Variants in PTPRD observed in about 807,000 individuals in gnomAD.
PTPRD encodes receptor-type tyrosine-protein phosphatase delta.
Under a neutral mutation model 214.5 loss-of-function variants are expected in PTPRD, and 34 were observed. The ratio of observed to expected loss-of-function variants is 0.16; its 90% confidence interval spans 0.12 to 0.21. The LOEUF (loss-of-function observed/expected upper bound fraction) is 0.21, where lower values mean the gene tolerates loss of function less well. Among genes scored for constraint, PTPRD ranks in the 10% least tolerant of loss-of-function variants. The probability of loss-of-function intolerance (pLI) is 1.00; values close to 1 mark genes in which losing one functional copy is unlikely to be tolerated. For missense variants in PTPRD, 2,545 were observed against 2,398.7 expected (o/e 1.06, Z -1.27); for synonymous variants, 1,128 against 845.7 (o/e 1.33, Z -5.79).
chr9:9,551,583 GAAGATATTACATT>G, intron 8 of PTPRD, among the ~76,000 whole-genome samples: 1 of 152,106 alleles, frequency 6.6e-6, no homozygotes, highest in South Asian at 2.1e-4. Context: ...AGTACAGGCT[GAAGATATTACATT>G]AATGTTTGGC....
At chr9:8,860,726 G>C (rs1213231148) in intron 11 of PTPRD, 1 of 152,192 alleles carries the variant, frequency 6.6e-6, no homozygotes, top group African/African-American at 2.4e-5. Flanking sequence ...GAAATTTTAA[G>C]TCAAAGAACA....
chr9:9,860,246 A>C (rs763636846), intron 5 of PTPRD, among the ~76,000 whole-genome samples: 42 of 152,354 alleles, frequency 2.8e-4, no homozygotes, highest in Non-Finnish European at 3.8e-4. Context: ...ACTAAAGACA[A>C]CACAAATGAT....
chr9:8,567,553 T>C (rs2154220357), intron 14 of PTPRD, among the ~76,000 whole-genome samples: 1 of 152,310 alleles, frequency 6.6e-6, no homozygotes, highest in Non-Finnish European at 1.5e-5. Flanking sequence ...ATCATGGTAT[T>C]TCCAGCATTT....
intron 7 of PTPRD, among the ~76,000 whole-genome samples, chr9:9,675,186 A>G (rs961735656): frequency 3.9e-5 from 6 of 151,980 alleles, no homozygotes; most frequent in Admixed American, 3.3e-4. Context: ...AAATACTCCA[A>G]AGTATCTCAT....
At chr9:9,160,573 T>C (rs561109563) in intron 10 of PTPRD, among the ~76,000 whole-genome samples, 1 of 152,314 alleles carries the variant, frequency 6.6e-6, no homozygotes, top group African/African-American at 2.4e-5. Context: ...ACTTGTCTTT[T>C]GCTGGTGGAA....
chr9:9,174,547 A>T (rs1367030172), intron 10 of PTPRD, among the ~76,000 whole-genome samples: 1 of 152,186 alleles, frequency 6.6e-6, no homozygotes, highest in Non-Finnish European at 1.5e-5. Context: ...AGGTGAAGAT[A>T]GTAGATATAC....
At chr9:10,409,536 T>C (rs1399777744) in intron 2 of PTPRD, among the ~76,000 whole-genome samples, 2 of 151,790 alleles carry the variant, frequency 1.3e-5, no homozygotes, top group Non-Finnish European at 2.9e-5. Context: ...TTACTCACTT[T>C]TAAAAATTTA....
At chr9:9,483,434 C>A (rs2095499654) in intron 8 of PTPRD, among the ~76,000 whole-genome samples, 1 of 152,034 alleles carries the variant, frequency 6.6e-6, no homozygotes, top group Admixed American at 6.6e-5. Context: ...AATTAGATGC[C>A]AATCATTTTT....
intron 11 of PTPRD, among the ~76,000 whole-genome samples, chr9:8,831,263 A>G (rs2097284433): frequency 6.6e-6 from 1 of 152,162 alleles, no homozygotes; most frequent in African/African-American, 2.4e-5. Flanking sequence ...TCTGATGATT[A>G]TCTTTGTTAG....
At position 8,341,899 on chromosome 9, in the gene PTPRD, T is replaced by C. The variant is rs1292093096; in HGVS notation, c.4741A>G (p.Ile1581Val). The C allele has an allele frequency of 1.9e-6, 3 of 1,613,356 alleles. No homozygotes were observed. Among genetic ancestry groups the C allele is most frequent in the Admixed American group, 1.7e-5 (1 of 59,886 alleles). ...ERIKHEKTVDIYGHVTLMRAQ... is the reference protein window; with the variant it reads ...ERIKHEKTVDVYGHVTLMRAQ... ...CTCATTAAAGTTACATGGCCATAAA[T>C]ATCTACAGTTTTTTCATGCTTTATT... is the stretch of plus-strand genomic sequence containing the variant. Residue 1581 changes from isoleucine (I) to valine (V), a missense_variant, in exon 40 of 46, where the codon ATT becomes GTT. Ile to Val is a conservative substitution (Grantham distance 29). Transcript: ENST00000381196.
At chr9:10,418,927 C>G (rs1587790554) in intron 2 of PTPRD, among the ~76,000 whole-genome samples, 1 of 151,846 alleles carries the variant, frequency 6.6e-6, no homozygotes, top group Admixed American at 6.6e-5. Flanking sequence ...AGAGCTGGAT[C>G]TCTTCTGGGA....
intron 14 of PTPRD, 75 bp from the exon 15 acceptor site, chr9:8,528,854 C>G (rs528686316): frequency 7.0e-7 from 1 of 1,425,994 alleles, no homozygotes; most frequent in Non-Finnish European, 9.7e-7. Context: ...CCCCAGAAAT[C>G]TCTCTTTACC....
chr9:8,541,291 G>A (rs1190021364), intron 14 of PTPRD, among the ~76,000 whole-genome samples: 1 of 152,128 alleles, frequency 6.6e-6, no homozygotes, highest in Non-Finnish European at 1.5e-5. Context: ...CTGCAATGGT[G>A]CAATCATAGT....
intron 11 of PTPRD, among the ~76,000 whole-genome samples, chr9:8,827,216 G>T (rs2097193748): frequency 6.6e-6 from 1 of 152,080 alleles, no homozygotes; most frequent in Non-Finnish European, 1.5e-5. Context: ...TGAGGGTAAG[G>T]ACAACTTCTA....
intron 10 of PTPRD, among the ~76,000 whole-genome samples, chr9:9,078,437 A>T (rs2099754203): frequency 6.6e-6 from 1 of 152,100 alleles, no homozygotes; most frequent in Non-Finnish European, 1.5e-5. Flanking sequence ...TATGTTTGTT[A>T]TGAGGCATGC....
intron 43 of PTPRD, among the ~76,000 whole-genome samples, chr9:8,332,375 C>T (rs2131724731): frequency 6.6e-6 from 1 of 152,192 alleles, no homozygotes; most frequent in South Asian, 2.1e-4. Context: ...TGGCAGGGGA[C>T]ATAGCATGAA....
At chr9:10,317,012 A>G (rs988144207) in intron 3 of PTPRD, among the ~76,000 whole-genome samples, 3 of 152,012 alleles carry the variant, frequency 2.0e-5, no homozygotes, top group African/African-American at 4.8e-5. Context: ...AAAGCAAGCA[A>G]TTCTATTTTC....
At chr9:9,971,688 G>T (rs2095110565) in intron 4 of PTPRD, among the ~76,000 whole-genome samples, 1 of 152,164 alleles carries the variant, frequency 6.6e-6, no homozygotes, top group Non-Finnish European at 1.5e-5. Flanking sequence ...TTTGGTGGTG[G>T]CTGTGCAAAT....
intron 3 of PTPRD, among the ~76,000 whole-genome samples, chr9:10,260,479 G>A (rs940429548): frequency 6.6e-6 from 1 of 152,040 alleles, no homozygotes; most frequent in Non-Finnish European, 1.5e-5. Context: ...AACATTTTAC[G>A]CATTCCAACT....
Sources: gnomAD v4.1 joint callset for allele counts (sites outside exome capture counted in the v4.1 genomes callset) on GRCh38, gnomAD v4.1.1 for gene constraint, MANE v1.5 for transcripts, NCBI Gene and HGNC (gene_info 2026-07-23, HGNC 2026-07-21) for gene names.